Variants in NEBL observed in about 807,000 individuals in gnomAD.
NEBL encodes the protein nebulette, also known as LIM and SH3 protein 2.
A neutral mutation model predicts 140.2 loss-of-function variants in NEBL; 122 were observed. The ratio of observed to expected loss-of-function variants is 0.87; its 90% CI spans 0.75 to 1.01. The LOEUF is 1.01. Ranked by LOEUF, NEBL falls within the 50% of genes least tolerant of loss-of-function variation. The probability of loss-of-function intolerance (pLI) is 0.00; values close to 1 mark genes in which losing one functional copy is unlikely to be tolerated. For missense variants in NEBL, 1,365 were observed against 1,231.3 expected (o/e 1.11, Z -1.62); for synonymous variants, 436 against 398.9 (o/e 1.09, Z -1.11).
chr10:20,831,043 G>C (rs1840362886), intron 16 of NEBL, 153 bp downstream of exon 16: 1 of 678,948 alleles, frequency 1.5e-6, no homozygotes, highest in South Asian at 1.6e-5. Flanking sequence ...AATTAGTACG[G>C]TTAATCAAGT....
intron 2 of NEBL, among the ~76,000 whole-genome samples, chr10:21,106,818 G>C (rs1365034264): frequency 6.6e-6 from 1 of 152,126 alleles, no homozygotes; most frequent in Non-Finnish European, 1.5e-5. Flanking sequence ...CTATCTATGA[G>C]CATGGAAAGT....
At chr10:20,869,148 T>A (rs1482554055) in intron 6 of NEBL, among the ~76,000 whole-genome samples, 1 of 152,216 alleles carries the variant, frequency 6.6e-6, no homozygotes, top group East Asian at 1.9e-4. Context: ...TTGATTGACA[T>A]GCAGTTGAAT....
chr10:20,866,607 C>G (rs956060863), intron 7 of NEBL, among the ~76,000 whole-genome samples: 1 of 152,142 alleles, frequency 6.6e-6, no homozygotes, highest in Admixed American at 6.6e-5. Flanking sequence ...AGGCATACTC[C>G]CAGCCTGTAT....
intron 6 of NEBL, among the ~76,000 whole-genome samples, chr10:20,869,376 T>A (rs1204551714): frequency 6.6e-6 from 1 of 151,968 alleles, no homozygotes; most frequent in Non-Finnish European, 1.5e-5. Context: ...ACAGCAGCAA[T>A]ATGGAAACAA....
chr10:21,172,748 T>C (rs1041493976), intron 1 of NEBL, among the ~76,000 whole-genome samples: 1 of 152,176 alleles, frequency 6.6e-6, no homozygotes, highest in Non-Finnish European at 1.5e-5. Context: ...CAGCACTTCT[T>C]TGAGCAGCCA....
At chr10:20,865,048 T>A (rs1217989036) in intron 7 of NEBL, among the ~76,000 whole-genome samples, 1 of 152,100 alleles carries the variant, frequency 6.6e-6, no homozygotes, top group East Asian at 1.9e-4. Context: ...AAGGATCACA[T>A]GGGGGAATTT....
At chr10:20,852,072 G>A (rs972499482) in intron 10 of NEBL, among the ~76,000 whole-genome samples, 2 of 151,836 alleles carry the variant, frequency 1.3e-5, no homozygotes, top group African/African-American at 4.8e-5. Flanking sequence ...AGTTTATTCA[G>A]GGGGTACCTA....
At chr10:21,039,469 A>T (rs945983927) in intron 2 of NEBL, among the ~76,000 whole-genome samples, 12 of 152,142 alleles carry the variant, frequency 7.9e-5, no homozygotes, top group African/African-American at 2.7e-4. Flanking sequence ...AGCACCATTT[A>T]TTAAACAAGG....
At chr10:21,156,163 G>T (rs918693122) in intron 2 of NEBL, among the ~76,000 whole-genome samples, 41 of 152,330 alleles carry the variant, frequency 2.7e-4, no homozygotes, top group African/African-American at 9.9e-4. Context: ...TTTATTGGGG[G>T]ACAGGAGGAA....
At chr10:21,000,159 A>AG in intron 3 of NEBL, among the ~76,000 whole-genome samples, 1 of 121,362 alleles carries the variant, frequency 8.2e-6, no homozygotes, top group East Asian at 2.5e-4. Context: ...AGCCAGGCAG[A>AG]GGGGGGCAGA....
chr10:21,026,695 T>C (rs1055456791), intron 2 of NEBL, among the ~76,000 whole-genome samples: 2 of 152,252 alleles, frequency 1.3e-5, no homozygotes, highest in Admixed American at 1.3e-4. Flanking sequence ...TATATGATGA[T>C]TTCCTTATGG....
chr10:20,938,493 C>A (rs549904302), intron 4 of NEBL, among the ~76,000 whole-genome samples: 1 of 152,130 alleles, frequency 6.6e-6, no homozygotes, highest in African/African-American at 2.4e-5. Context: ...TGGGGAGACA[C>A]CAGAGCAGAA....
chr10:21,109,466 T>C (rs1435495567), intron 2 of NEBL, among the ~76,000 whole-genome samples: 1 of 152,182 alleles, frequency 6.6e-6, no homozygotes, highest in Non-Finnish European at 1.5e-5. Context: ...TTTTCTTTTT[T>C]TGTTGTGTCT....
intron 9 of NEBL, among the ~76,000 whole-genome samples, chr10:20,853,469 A>G (rs1842739995): frequency 6.6e-6 from 1 of 152,164 alleles, no homozygotes; most frequent in Non-Finnish European, 1.5e-5. Context: ...ACGGAATACT[A>G]TACAGCCACA....
At chr10:20,834,127 AATG>A (rs1337899957) in intron 14 of NEBL, among the ~76,000 whole-genome samples, 1 of 152,220 alleles carries the variant, frequency 6.6e-6, no homozygotes, top group Non-Finnish European at 1.5e-5. Context: ...TTTCTATAAG[AATG>A]AGGTAGACCT....
intron 3 of NEBL, among the ~76,000 whole-genome samples, chr10:20,994,686 C>T (rs1324545887): frequency 6.6e-6 from 1 of 152,166 alleles, no homozygotes; most frequent in Non-Finnish European, 1.5e-5. Context: ...ATAACATAAA[C>T]AGTCGATTAA....
At chr10:20,819,568 C>G in intron 19 of NEBL, 52 bp from the exon 20 acceptor site, 1 of 1,597,884 alleles carries the variant, frequency 6.3e-7, no homozygotes, top group South Asian at 1.1e-5. Context: ...AAATACGTCC[C>G]AAAACATTGC....
At chr10:20,903,946 A>G (rs1282849878) in intron 4 of NEBL, among the ~76,000 whole-genome samples, 1 of 151,732 alleles carries the variant, frequency 6.6e-6, no homozygotes, top group African/African-American at 2.4e-5. Flanking sequence ...CTAAAATCTC[A>G]GACATCAACA....
At chr10:21,076,705 A>T (rs1044135946) in intron 2 of NEBL, among the ~76,000 whole-genome samples, 3 of 152,240 alleles carry the variant, frequency 2.0e-5, no homozygotes, top group African/African-American at 7.2e-5. Flanking sequence ...ATTCTGATGC[A>T]TACTACAACA....
Sources: gnomAD v4.1 joint callset for allele counts (sites outside exome capture counted in the v4.1 genomes callset) on GRCh38, gnomAD v4.1.1 for gene constraint, MANE v1.5 for transcripts, NCBI Gene and HGNC (gene_info 2026-07-23, HGNC 2026-07-21) for gene names.